TRPM6: variants seen among roughly 807,000 people sequenced by gnomAD.
TRPM6 encodes channel kinase 2.
A neutral mutation model predicts 247.6 loss-of-function variants in TRPM6; 111 were observed. That is an observed-to-expected ratio of 0.45 (90% CI 0.38 to 0.52). The LOEUF (loss-of-function observed/expected upper bound fraction) is 0.52. Ranked by LOEUF, TRPM6 falls within the 20% of genes least tolerant of loss-of-function variation. The probability of loss-of-function intolerance (pLI) is 0.00; values close to 1 mark genes in which losing one functional copy is unlikely to be tolerated. For synonymous variants in TRPM6, 892 were observed against 853.8 expected, an observed-to-expected ratio of 1.04 and a Z score of -0.78; for missense variants, 2,126 against 2,421.5, an observed-to-expected ratio of 0.88 and a Z score of 2.56.
chr9:74,845,822 G>A (rs1192233228), intron 3 of TRPM6, among the ~76,000 whole-genome samples: 1 of 152,074 alleles, frequency 6.6e-6, no homozygotes, highest in Admixed American at 6.6e-5. Context: ...GCAAAACTCT[G>A]TCTCAAAACA....
chr9:74,835,330 A>G (rs902196923), intron 5 of TRPM6, among the ~76,000 whole-genome samples: 4 of 152,122 alleles, frequency 2.6e-5, no homozygotes, highest in African/African-American at 9.7e-5. Flanking sequence ...GAGTTTGGAT[A>G]TTAGCCCTTT....
At chr9:74,838,378 T>A (rs747535501) in intron 5 of TRPM6, among the ~76,000 whole-genome samples, 1 of 152,238 alleles carries the variant, frequency 6.6e-6, no homozygotes, top group Non-Finnish European at 1.5e-5. Context: ...ACAATCTCTA[T>A]AAAATATGTA....
intron 11 of TRPM6, among the ~76,000 whole-genome samples, 178 bp downstream of exon 11, chr9:74,816,491 A>G (rs1335694543): frequency 1.5e-5 from 2 of 135,834 alleles, no homozygotes; most frequent in South Asian, 2.6e-4. Flanking sequence ...AAAAAAAAAC[A>G]GATGGTTTTC....
In TRPM6 at chr9:74,724,646, A is replaced by G; in HGVS notation, c.6036T>C (p.Gly2012=). Residue 2012 remains glycine (G), a synonymous_variant, in exon 39 of 39, where the codon GGT becomes GGC. Transcript: ENST00000360774. ...SAEEPPARET[G]RNSPEDDMQL ...GCATATCATCTTCTGGGGAATTTCTACCCGTCTCCCTTGCTGGAGGCTCCT... is the reference window on the plus strand; with the variant it reads ...GCATATCATCTTCTGGGGAATTTCTGCCCGTCTCCCTTGCTGGAGGCTCCT... 1.9e-6 allele frequency: 3 copies of G among 1,613,992 alleles called. No homozygotes were observed. The highest frequency in any genetic ancestry group is 2.5e-6 in the Non-Finnish European group (3 of 1,179,978).
intron 12 of TRPM6, among the ~76,000 whole-genome samples, chr9:74,811,443 A>T (rs1828726968): frequency 6.6e-6 from 1 of 152,238 alleles, no homozygotes; most frequent in Admixed American, 6.5e-5. Flanking sequence ...TTTAAAGGAC[A>T]AGGAAGGCTA....
intron 34 of TRPM6, 119 bp downstream of exon 34, chr9:74,739,604 T>C (rs1825797956): frequency 2.6e-6 from 4 of 1,529,822 alleles, no homozygotes; most frequent in East Asian, 2.3e-5. Flanking sequence ...CAATACTACC[T>C]CTAAAAAATA....
intron 24 of TRPM6, 29 bp downstream of exon 24, chr9:74,775,854 T>C (rs1827198550): frequency 1.9e-6 from 3 of 1,612,840 alleles, no homozygotes; most frequent in Non-Finnish European, 2.5e-6. Flanking sequence ...TTTTGCTCTC[T>C]TTCTCCTGCC....
At chr9:74,857,738 T>A (rs980831149) in intron 2 of TRPM6, 5 of 152,210 alleles carry the variant, frequency 3.3e-5, no homozygotes, top group Non-Finnish European at 7.3e-5. Flanking sequence ...GCATGGCCCC[T>A]GCTCAAGGAT....
rs73530668 is a variant in TRPM6 at position 74,748,100 on chromosome 9, T to C, written c.5058-186A>G. Reference sequence around the variant, plus strand: ...CAACAACAGACAGCATATATTACAATGGTCCCATAGATTATAACAGAGCTG... The same window carrying C: ...CAACAACAGACAGCATATATTACAACGGTCCCATAGATTATAACAGAGCTG... On this transcript the variant is annotated intron_variant, in intron 30 of 38. Coordinates refer to ENST00000360774, the MANE Select transcript of TRPM6 (RefSeq NM_017662.5). 0.038 allele frequency among the ~76,000 whole-genome samples: 5,850 copies of C among 152,278 alleles called. 376 individuals are homozygous for C. The highest frequency in any genetic ancestry group is 0.13 in the African/African-American group (5,584 of 41,520).
chr9:74,766,512 G>T (rs944170135), intron 25 of TRPM6, among the ~76,000 whole-genome samples: 3 of 152,208 alleles, frequency 2.0e-5, no homozygotes, highest in Non-Finnish European at 2.9e-5. Flanking sequence ...TTCACTGAGT[G>T]CTCACTATGT....
intron 1 of TRPM6, among the ~76,000 whole-genome samples, chr9:74,884,746 T>C (rs1831478837): frequency 6.6e-6 from 1 of 152,194 alleles, no homozygotes; most frequent in Admixed American, 6.5e-5. Flanking sequence ...AGAATTATTT[T>C]CTGTGATACA....
At chr9:74,813,406 C>T (rs1478762015) in intron 11 of TRPM6, among the ~76,000 whole-genome samples, 2 of 152,202 alleles carry the variant, frequency 1.3e-5, no homozygotes, top group Non-Finnish European at 2.9e-5. Flanking sequence ...AAACAAAATA[C>T]ATGTATACAT....
intron 1 of TRPM6, among the ~76,000 whole-genome samples, chr9:74,860,521 G>T (rs1830663026): frequency 6.6e-6 from 1 of 151,898 alleles, no homozygotes; most frequent in Admixed American, 6.6e-5. Flanking sequence ...AGCATGCCTG[G>T]CTAATTTTTG....
chr9:74,856,074 C>A (rs1441162341), intron 2 of TRPM6, among the ~76,000 whole-genome samples: 2 of 151,984 alleles, frequency 1.3e-5, no homozygotes, highest in Non-Finnish European at 2.9e-5. Flanking sequence ...TACAAATTAT[C>A]CTTTATTAAT....
chr9:74,741,049 G>T (rs536748565), intron 33 of TRPM6, among the ~76,000 whole-genome samples: 19 of 152,014 alleles, frequency 1.2e-4, no homozygotes, highest in Middle Eastern at 3.4e-3. Flanking sequence ...TGTTCTCATT[G>T]GGCTGTTGTA....
At chr9:74,796,643 T>C (rs956584929) in intron 18 of TRPM6, 98 bp downstream of exon 18, 29 of 1,284,196 alleles carry the variant, frequency 2.3e-5, no homozygotes, top group Middle Eastern at 1.9e-4. Flanking sequence ...AACATAACTT[T>C]TGTTTAATAG....
chr9:74,737,551 A>G, intron 36 of TRPM6: 1 of 654,998 alleles, frequency 1.5e-6, no homozygotes, highest in South Asian at 1.6e-5. Context: ...GAAATAAAAG[A>G]ACAGTGAAAA....
chr9:74,761,840 A>G (rs750597662), intron 26 of TRPM6, 32 bp from the exon 27 acceptor site: 24 of 1,554,836 alleles, frequency 1.5e-5, no homozygotes, highest in Non-Finnish European at 2.1e-5. Flanking sequence ...GAGAAAGTTG[A>G]CAACAGTAAG....
At chr9:74,869,284 C>T (rs1240487217) in intron 1 of TRPM6, among the ~76,000 whole-genome samples, 2 of 151,876 alleles carry the variant, frequency 1.3e-5, no homozygotes, top group Admixed American at 1.3e-4. Flanking sequence ...TCCTGACTAA[C>T]ATGGTGAAAC....
Sources: allele counts gnomAD v4.1 joint callset (sites outside exome capture counted in the v4.1 genomes callset), GRCh38; gene constraint gnomAD v4.1.1; transcripts MANE v1.5; gene names NCBI Gene and HGNC (gene_info 2026-07-23, HGNC 2026-07-21).